Variants in HTR2C observed in about 807,000 individuals in gnomAD.
The protein encoded by HTR2C is 5-hydroxytryptamine receptor 2C.
Under a neutral mutation model 21.0 loss-of-function variants are expected in HTR2C, and 5 were observed. That is an observed-to-expected ratio of 0.24 (90% CI 0.12 to 0.50). The LOEUF is 0.50. Ranked by LOEUF, HTR2C falls within the 20% of genes least tolerant of loss-of-function variation. HTR2C has a pLI of 0.98. For synonymous variants in HTR2C, 150 were observed against 145.3 expected (o/e 1.03, Z -0.23); for missense variants, 271 against 371.2 (o/e 0.73, Z 2.22).
intron 2 of HTR2C, among the ~76,000 whole-genome samples, chrX:114,665,907 A>G (rs1165106004): frequency 8.9e-6 from 1 of 111,899 alleles, no homozygotes; most frequent in African/African-American, 3.2e-5. Context: ...TCAAGGATCA[A>G]CTGTATTTGG....
intron 5 of HTR2C, among the ~76,000 whole-genome samples, chrX:114,849,951 C>T (rs781855902): frequency 8.9e-6 from 1 of 112,002 alleles, no homozygotes; most frequent in African/African-American, 3.2e-5. Context: ...AACTTACAAA[C>T]ACTTCAGATA....
chrX:114,655,179 G>T (rs1930737412), intron 2 of HTR2C, among the ~76,000 whole-genome samples: 1 of 111,063 alleles, frequency 9.0e-6, no homozygotes, highest in African/African-American at 3.3e-5. Context: ...ATGGAATTTA[G>T]GTGACAATGC....
intron 2 of HTR2C, among the ~76,000 whole-genome samples, chrX:114,661,543 G>A (rs782551928): frequency 4.5e-5 from 5 of 110,212 alleles, no homozygotes; most frequent in African/African-American, 9.9e-5. Flanking sequence ...GCTAATTTTC[G>A]TATTTTTAGT....
intron 4 of HTR2C, among the ~76,000 whole-genome samples, chrX:114,765,424 T>A (rs2069937956): frequency 9.0e-6 from 1 of 111,179 alleles, no homozygotes; most frequent in Non-Finnish European, 1.9e-5. Flanking sequence ...ATAAGTATTT[T>A]TCCCACTTTA....
intron 4 of HTR2C, among the ~76,000 whole-genome samples, chrX:114,783,651 A>G (rs782268921): frequency 3.6e-5 from 4 of 111,955 alleles, no homozygotes; most frequent in Non-Finnish European, 7.5e-5. Context: ...TTTCATGCAT[A>G]CAGGGAACAT....
chrX:114,647,267 G>A (rs782391063), intron 2 of HTR2C, among the ~76,000 whole-genome samples: 3 of 111,868 alleles, frequency 2.7e-5, no homozygotes, highest in Non-Finnish European at 5.6e-5. Flanking sequence ...ATAAGTATTT[G>A]AGGTTCTGGC....
At chrX:114,836,865 GTA>G (rs2070791097) in intron 4 of HTR2C, among the ~76,000 whole-genome samples, 1 of 12,748 alleles carries the variant, frequency 7.8e-5, no homozygotes, top group Admixed American at 2.0e-3. Flanking sequence ...ACATTTATCT[GTA>G]AATTTTTTTA....
At chrX:114,804,111 A>T (rs5987820) in intron 4 of HTR2C, among the ~76,000 whole-genome samples, 4,801 of 111,380 alleles carry the variant, frequency 0.043, 255 homozygotes, top group African/African-American at 0.15. Flanking sequence ...TCTATGCCAG[A>T]GTTTCTTGTG....
intron 1 of HTR2C, among the ~76,000 whole-genome samples, chrX:114,586,496 G>A (rs1213541838): frequency 8.9e-6 from 1 of 111,940 alleles, no homozygotes; most frequent in East Asian, 2.8e-4. Context: ...CCCAACGCAA[G>A]TCCTGAAATT....
chrX:114,649,929 G>A (rs975398196), intron 2 of HTR2C, among the ~76,000 whole-genome samples: 5 of 111,369 alleles, frequency 4.5e-5, no homozygotes, highest in African/African-American at 1.3e-4. Flanking sequence ...CTCTGGTTTT[G>A]AAGATTTGTG....
intron 4 of HTR2C, among the ~76,000 whole-genome samples, chrX:114,793,064 G>A (rs1459668606): frequency 9.0e-6 from 1 of 111,410 alleles, no homozygotes; most frequent in Non-Finnish European, 1.9e-5. Flanking sequence ...TTCTGTAGGT[G>A]GCGTGTTCAG....
intron 4 of HTR2C, among the ~76,000 whole-genome samples, chrX:114,745,104 G>A (rs1312187172): frequency 9.0e-6 from 1 of 111,537 alleles, no homozygotes; most frequent in African/African-American, 3.3e-5. Flanking sequence ...AATATATAAG[G>A]AGCTCAAACA....
At chrX:114,699,472 TTG>T (rs1251287061) in intron 2 of HTR2C, among the ~76,000 whole-genome samples, 3 of 112,185 alleles carry the variant, frequency 2.7e-5, no homozygotes, top group Non-Finnish European at 1.9e-5. Context: ...ACAAAAAGGA[TTG>T]TGTCAATTTT....
rs144587710 is a variant in HTR2C at position 114,810,730 on chromosome X, C to T, written c.350-37273C>T. Among the ~76,000 whole-genome samples the T allele has an allele frequency of 5.9e-3, 633 of 108,122 alleles. 4 individuals are homozygous for T. The highest frequency in any genetic ancestry group is 0.02 in the African/African-American group (599 of 29,713). The allele number at this position is 108,122 out of a possible 115,157, so 93.9% of individuals were successfully genotyped here. A position where few individuals can be genotyped will look rare whatever the true frequency, so the allele number is the denominator to read the frequency against. On this transcript the variant is annotated intron_variant, in intron 4 of 5. Transcript: ENST00000276198. ...CAATGTTAAAACCAGGTACTGTGAT[C>T]GCTCACCTGATTTTTCTTTGTATGA...
intron 2 of HTR2C, among the ~76,000 whole-genome samples, chrX:114,630,346 T>C (rs951626387): frequency 3.6e-5 from 4 of 111,984 alleles, no homozygotes; most frequent in African/African-American, 1.3e-4. Flanking sequence ...CCCGCACAAA[T>C]GGTAATTTGA....
intron 2 of HTR2C, among the ~76,000 whole-genome samples, chrX:114,696,979 G>C (rs1235121232): frequency 6.3e-5 from 7 of 111,151 alleles, no homozygotes; most frequent in African/African-American, 2.3e-4. Flanking sequence ...GATACTTAAA[G>C]TTTTATAGCT....
At chrX:114,805,857 T>TATATACCAC (rs2147435757) in intron 4 of HTR2C, among the ~76,000 whole-genome samples, 1 of 88,723 alleles carries the variant, frequency 1.1e-5, no homozygotes, top group African/African-American at 4.7e-5. Flanking sequence ...ATATATACCA[T>TATATACCAC]ATATATACCA....
At chrX:114,710,812 T>A (rs1932881388) in intron 2 of HTR2C, among the ~76,000 whole-genome samples, 1 of 111,091 alleles carries the variant, frequency 9.0e-6, no homozygotes, top group African/African-American at 3.3e-5. Flanking sequence ...TGACATGAAC[T>A]TTATGAAGTC....
At chrX:114,591,696 G>T (rs1473355384) in intron 1 of HTR2C, among the ~76,000 whole-genome samples, 1 of 111,808 alleles carries the variant, frequency 8.9e-6, no homozygotes, top group Non-Finnish European at 1.9e-5. Context: ...ATAAAGAAAA[G>T]CCTGTAAGAA....
Sources: gnomAD v4.1 joint callset for allele counts (sites outside exome capture counted in the v4.1 genomes callset) on GRCh38, gnomAD v4.1.1 for gene constraint, MANE v1.5 for transcripts, NCBI Gene and HGNC (gene_info 2026-07-23, HGNC 2026-07-21) for gene names.